Variants in FYN observed in about 807,000 individuals in gnomAD.
The protein encoded by FYN is FYN proto-oncogene, Src family tyrosine kinase.
In FYN, 10 loss-of-function variants were observed where a neutral mutation model predicts 70.2. That is an observed-to-expected ratio of 0.14 (90% CI 0.09 to 0.24). The LOEUF (loss-of-function observed/expected upper bound fraction) is 0.24, where lower values mean the gene tolerates loss of function less well. Among genes scored for constraint, FYN ranks in the 10% least tolerant of loss-of-function variants. The pLI, the probability that FYN is intolerant of heterozygous loss-of-function variation, is 1.00. For missense variants in FYN, 319 were observed against 673.1 expected (o/e 0.47, Z 5.82); for synonymous variants, 236 against 248.6 (o/e 0.95, Z 0.48).
At chr6:111,816,490 T>C (rs1401820437) in intron 2 of FYN, among the ~76,000 whole-genome samples, 1 of 152,188 alleles carries the variant, frequency 6.6e-6, no homozygotes, top group Non-Finnish European at 1.5e-5. Context: ...TCTTCCTTTT[T>C]AAGAGAAATA....
At chr6:111,731,737 G>A (rs1178660589) in intron 3 of FYN, among the ~76,000 whole-genome samples, 1 of 152,102 alleles carries the variant, frequency 6.6e-6, no homozygotes, top group Non-Finnish European at 1.5e-5. Context: ...TCAGGAGGAC[G>A]GGAACAAAAG....
chr6:111,700,040 T>C, intron 9 of FYN, 64 bp downstream of exon 9: 1 of 1,441,274 alleles, frequency 6.9e-7, no homozygotes, highest in Non-Finnish European at 9.6e-7. Context: ...TCACCTTCCA[T>C]CTTTGGTGTT....
At chr6:111,690,667 C>T (rs1029914042) in intron 12 of FYN, among the ~76,000 whole-genome samples, 1 of 152,224 alleles carries the variant, frequency 6.6e-6, no homozygotes, top group Non-Finnish European at 1.5e-5. Context: ...TCACTATGTG[C>T]TGGGTACCCT....
chr6:111,773,624 GA>G (rs1373721875), intron 3 of FYN, among the ~76,000 whole-genome samples: 19 of 69,350 alleles, frequency 2.7e-4, no homozygotes, highest in South Asian at 8.1e-4. Flanking sequence ...GAGAGAGGGG[GA>G]AAGGAGAGGG....
chr6:111,675,834 T>TAAATAAATAAATAAAATA (rs1296449227), intron 12 of FYN, among the ~76,000 whole-genome samples: 1 of 150,598 alleles, frequency 6.6e-6, no homozygotes, highest in African/African-American at 2.4e-5. Context: ...AATAAATAAA[T>TAAATAAATAAATAAAATA]AAATAAAATA....
At chr6:111,700,717 G>A (rs1250522425) in intron 8 of FYN, among the ~76,000 whole-genome samples, 1 of 152,194 alleles carries the variant, frequency 6.6e-6, no homozygotes, top group Admixed American at 6.5e-5. Flanking sequence ...TTGGATTAAA[G>A]AATGTCAATA....
intron 3 of FYN, among the ~76,000 whole-genome samples, chr6:111,723,012 C>T (rs1004150755): frequency 6.6e-6 from 1 of 152,194 alleles, no homozygotes. Flanking sequence ...CTCTGATTTT[C>T]TCTAGAAGCT....
intron 2 of FYN, among the ~76,000 whole-genome samples, chr6:111,804,175 C>A (rs1188836518): frequency 6.6e-6 from 1 of 152,218 alleles, no homozygotes; most frequent in Non-Finnish European, 1.5e-5. Flanking sequence ...GAAGAGACAT[C>A]ATCGTTCTGA....
chr6:111,711,981 T>C (rs1387431270), intron 5 of FYN, among the ~76,000 whole-genome samples: 2 of 152,146 alleles, frequency 1.3e-5, no homozygotes, highest in African/African-American at 2.4e-5. Context: ...AAGAACAGGG[T>C]TGGAGGCTCA....
At chr6:111,753,861 G>C (rs1040632568) in intron 3 of FYN, among the ~76,000 whole-genome samples, 3 of 152,272 alleles carry the variant, frequency 2.0e-5, no homozygotes, top group African/African-American at 7.2e-5. Flanking sequence ...AGAAACACAG[G>C]TGCTTTTGAT....
intron 3 of FYN, among the ~76,000 whole-genome samples, chr6:111,722,455 A>G (rs1469607311): frequency 6.6e-6 from 1 of 152,218 alleles, no homozygotes; most frequent in African/African-American, 2.4e-5. Flanking sequence ...TTGCTCATAT[A>G]ATATTAACTC....
intron 2 of FYN, among the ~76,000 whole-genome samples, chr6:111,791,442 A>T (rs1257880598): frequency 6.6e-6 from 1 of 152,222 alleles, no homozygotes; most frequent in African/African-American, 2.4e-5. Flanking sequence ...CATCTGACTT[A>T]TTTGGAAATA....
chr6:111,689,347 G>A (rs988894962), intron 12 of FYN, among the ~76,000 whole-genome samples: 1 of 152,190 alleles, frequency 6.6e-6, no homozygotes, highest in Non-Finnish European at 1.5e-5. Flanking sequence ...ACTGGCAAAT[G>A]ACACACTAAG....
chr6:111,680,736 T>C (rs2060161672), intron 12 of FYN, among the ~76,000 whole-genome samples: 1 of 152,250 alleles, frequency 6.6e-6, no homozygotes, highest in African/African-American at 2.4e-5. Context: ...TGGGTACATT[T>C]GTACTATTTT....
intron 3 of FYN, among the ~76,000 whole-genome samples, chr6:111,769,369 C>A (rs948235552): frequency 2.0e-5 from 3 of 152,158 alleles, no homozygotes; most frequent in Non-Finnish European, 4.4e-5. Context: ...AAGTCTATCA[C>A]AACAAACTCC....
chr6:111,699,732 T>A, intron 9 of FYN: 1 of 1,454,540 alleles, frequency 6.9e-7, no homozygotes, highest in Non-Finnish European at 9.4e-7. Context: ...ATGCATGCAC[T>A]AGGAAAGATG....
chr6:111,797,029 A>AT (rs891597600), intron 2 of FYN, among the ~76,000 whole-genome samples: 5 of 152,116 alleles, frequency 3.3e-5, no homozygotes, highest in African/African-American at 7.2e-5. Context: ...TGAATTTACT[A>AT]TTTTTTTAAT....
chr6:111,673,619 A>ACTGT (rs1301768351), intron 13 of FYN, among the ~76,000 whole-genome samples: 6 of 65,010 alleles, frequency 9.2e-5, no homozygotes, highest in African/African-American at 3.1e-4. Flanking sequence ...CGTTTCTATC[A>ACTGT]TTGTTTTTTT....
intron 6 of FYN, among the ~76,000 whole-genome samples, chr6:111,705,804 G>A (rs1027355069): frequency 1.3e-5 from 2 of 152,116 alleles, no homozygotes; most frequent in Non-Finnish European, 1.5e-5. Flanking sequence ...AGCTGAGACA[G>A]GGCCACTGCA....
Sources: allele counts gnomAD v4.1 joint callset (sites outside exome capture counted in the v4.1 genomes callset), GRCh38; gene constraint gnomAD v4.1.1; transcripts MANE v1.5; gene names NCBI Gene and HGNC (gene_info 2026-07-23, HGNC 2026-07-21).